Variants in GTF2IRD1 observed in about 807,000 individuals in gnomAD.
GTF2IRD1 encodes GTF2I repeat domain containing 1, also known as general transcription factor II-I repeat domain-containing protein 1.
In GTF2IRD1, 26 loss-of-function variants were observed where a neutral mutation model predicts 113.2. That is an observed-to-expected ratio of 0.23 (90% confidence interval 0.17 to 0.32). The LOEUF (loss-of-function observed/expected upper bound fraction) is 0.32, where lower values mean the gene tolerates loss of function less well. Ranked by LOEUF, GTF2IRD1 falls within the 10% of genes least tolerant of loss-of-function variation. The pLI, the probability that GTF2IRD1 is intolerant of heterozygous loss-of-function variation, is 1.00. For synonymous variants in GTF2IRD1, 484 were observed against 529.1 expected (o/e 0.91, Z 1.17); for missense variants, 864 against 1,280.8 (o/e 0.67, Z 4.97).
chr7:74,461,768 G>T (rs1793383909), intron 1 of GTF2IRD1, among the ~76,000 whole-genome samples: 1 of 152,076 alleles, frequency 6.6e-6, no homozygotes, highest in African/African-American at 2.4e-5. Context: ...TAGTAGAGAT[G>T]GGGTTTTGCC....
intron 22 of GTF2IRD1, among the ~76,000 whole-genome samples, chr7:74,584,136 A>C (rs1168689421): frequency 6.6e-6 from 1 of 152,144 alleles, no homozygotes. Context: ...GCTTTTTTCC[A>C]GAGTTTTGAG....
chr7:74,586,816 C>A (rs782164144), intron 22 of GTF2IRD1, among the ~76,000 whole-genome samples: 4 of 152,136 alleles, frequency 2.6e-5, no homozygotes, highest in Non-Finnish European at 4.4e-5. Context: ...CCCAAGGCAG[C>A]CTCCTAAACA....
chr7:74,556,790 A>ATTTTTTTTTTTTTTTTTTTT (rs587648610), intron 19 of GTF2IRD1, among the ~76,000 whole-genome samples: 111 of 132,912 alleles, frequency 8.4e-4, no homozygotes, highest in Middle Eastern at 4.0e-3. Context: ...TGCCTGGCTA[A>ATTTTTTTTTTTTTTTTTTTT]TTTTTGTATT....
rs782520277 is a variant in GTF2IRD1 at position 74,536,192 on chromosome 7, G to A, written c.1326G>A (p.Thr442=). 8.1e-6 allele frequency: 13 copies of A among 1,613,384 alleles called. No homozygotes were observed. The highest frequency in any genetic ancestry group is 1.7e-6 in the Non-Finnish European group (2 of 1,179,546). Residue 442 remains threonine (T), a synonymous_variant, in exon 11 of 27, where the codon ACG becomes ACA. Transcript: ENST00000424337. Reference sequence around the variant, plus strand: ...GGAACAAGTTTACCAAAGACACCACGAAGCTGGAGCCAGCCAGCCCGCCAG... The same window carrying A: ...GGAACAAGTTTACCAAAGACACCACAAAGCTGGAGCCAGCCAGCCCGCCAG... ...FTGNKFTKDT[T]KLEPASPPED... is the part of the protein sequence containing the mutation.
chr7:74,455,684 C>G (rs782172469), intron 1 of GTF2IRD1, among the ~76,000 whole-genome samples: 1 of 152,166 alleles, frequency 6.6e-6, no homozygotes, highest in Non-Finnish European at 1.5e-5. Context: ...CAGGCATCTG[C>G]GGACCAAGGG....
intron 1 of GTF2IRD1, among the ~76,000 whole-genome samples, chr7:74,462,885 C>T (rs1793472484): frequency 1.3e-5 from 2 of 152,276 alleles, no homozygotes; most frequent in African/African-American, 2.4e-5. Flanking sequence ...ATCCTCCCGC[C>T]GCCATCCAGG....
chr7:74,538,019 C>T (rs879957848), intron 11 of GTF2IRD1, 117 bp from the exon 12 acceptor site: 11 of 888,836 alleles, frequency 1.2e-5, no homozygotes, highest in South Asian at 2.8e-5. Context: ...CCGATGGGGA[C>T]AGGGATGCCT....
intron 1 of GTF2IRD1, among the ~76,000 whole-genome samples, chr7:74,473,529 A>G (rs577683207): frequency 1.3e-5 from 2 of 152,072 alleles, no homozygotes; most frequent in Non-Finnish European, 2.9e-5. Flanking sequence ...GCTTCAAGTA[A>G]TCCTCTCACT....
intron 24 of GTF2IRD1, among the ~76,000 whole-genome samples, chr7:74,591,871 C>T (rs1396091001): frequency 1.3e-5 from 2 of 151,444 alleles, no homozygotes; most frequent in South Asian, 2.1e-4. Flanking sequence ...CCTCCCACCT[C>T]GGCCTCCCAA....
At chr7:74,516,946 C>T (rs1188241613) in intron 4 of GTF2IRD1, among the ~76,000 whole-genome samples, 1 of 152,096 alleles carries the variant, frequency 6.6e-6, no homozygotes, top group African/African-American at 2.4e-5. Context: ...TGCCCCCGAG[C>T]CCCCATCTTT....
chr7:74,539,743 C>G, intron 13 of GTF2IRD1, 136 bp from the exon 14 acceptor site: 1 of 597,504 alleles, frequency 1.7e-6, no homozygotes, highest in South Asian at 2.0e-5. Flanking sequence ...GACTCCATCT[C>G]AAACCAAAAA....
intron 16 of GTF2IRD1, among the ~76,000 whole-genome samples, chr7:74,546,112 C>T (rs73135387): frequency 0.072 from 10,884 of 152,004 alleles, 759 homozygotes; most frequent in East Asian, 0.39. Flanking sequence ...CTCATCCCTC[C>T]GCCCTCACCC....
chr7:74,475,241 G>A (rs1554333315), intron 1 of GTF2IRD1, among the ~76,000 whole-genome samples: 6 of 152,186 alleles, frequency 3.9e-5, no homozygotes. Context: ...GGGTGACAGA[G>A]CAAGAGACCC....
At chr7:74,540,781 C>T (rs1798591473) in intron 14 of GTF2IRD1, among the ~76,000 whole-genome samples, 1 of 151,674 alleles carries the variant, frequency 6.6e-6, no homozygotes, top group African/African-American at 2.4e-5. Context: ...AGACCCATCT[C>T]TTAAATTTTT....
intron 1 of GTF2IRD1, among the ~76,000 whole-genome samples, chr7:74,471,693 A>C (rs1184006869): frequency 2.4e-5 from 2 of 82,568 alleles, no homozygotes; most frequent in African/African-American, 3.8e-5. Flanking sequence ...AAAAAAACAA[A>C]AAAAAAAACA....
intron 1 of GTF2IRD1, among the ~76,000 whole-genome samples, chr7:74,457,501 C>T (rs1480155060): frequency 1.3e-5 from 2 of 152,124 alleles, no homozygotes; most frequent in South Asian, 2.1e-4. Flanking sequence ...CTTAAATGCT[C>T]ATCTCTGGGG....
chr7:74,487,542 G>C (rs1795101894), intron 1 of GTF2IRD1: 1 of 152,154 alleles, frequency 6.6e-6, no homozygotes, highest in African/African-American at 2.4e-5. Context: ...GCCGTAGACT[G>C]TTTTTGCAAT....
intron 22 of GTF2IRD1, among the ~76,000 whole-genome samples, chr7:74,567,816 C>T (rs1384533168): frequency 1.3e-5 from 2 of 152,012 alleles, no homozygotes; most frequent in Non-Finnish European, 2.9e-5. Context: ...GACAGAGTCT[C>T]GCTCTATTGC....
chr7:74,575,090 C>CA lies in GTF2IRD1; in HGVS notation c.2321-14757dup, dbSNP rs587687680. 9.8e-5 allele frequency among the ~76,000 whole-genome samples: 5 copies of CA among 51,064 alleles called. No individual in the cohort carries two copies. The South Asian group carries it at 2.5e-3, about 26-fold the overall frequency. 33.5% of individuals were successfully genotyped at this position (51,064 alleles called of 152,430 possible). ...GGGCAACAAGAGCGAAACTCCGTCT[C>CA]AAAATACAAAAAAACAAAAAAAACC... On this transcript the variant is annotated intron_variant, in intron 22 of 26. Coordinates refer to ENST00000424337, the MANE Select transcript of GTF2IRD1 (RefSeq NM_005685.4).
Sources: allele counts gnomAD v4.1 joint callset (sites outside exome capture counted in the v4.1 genomes callset), GRCh38; gene constraint gnomAD v4.1.1; transcripts MANE v1.5; gene names NCBI Gene and HGNC (gene_info 2026-07-23, HGNC 2026-07-21).